Variants in KLRG1 observed in about 807,000 individuals in gnomAD.
KLRG1 encodes killer cell lectin like receptor G1.
In KLRG1, 16 loss-of-function variants were observed where a neutral mutation model predicts 21.8. The observed-to-expected ratio is 0.73, with a 90% CI of 0.50 to 1.11. The LOEUF is 1.11. Ranked by LOEUF, KLRG1 falls within the 50% of genes most tolerant of loss-of-function variation. The pLI is 0.00. For missense variants in KLRG1, 173 were observed against 218.3 expected (o/e 0.79, Z 1.31); for synonymous variants, 69 against 75.9 (o/e 0.91, Z 0.47).
At chr12:9,050,559 G>A in the KLRG1 span, among the ~76,000 whole-genome samples, 4 of 152,292 alleles carry the variant, frequency 2.6e-5, no homozygotes, top group Admixed American at 6.5e-5. Flanking sequence ...CAGGAGCCCC[G>A]TCCTCCTGGG....
chr12:9,053,503 C>T, the KLRG1 span, among the ~76,000 whole-genome samples: 1 of 152,118 alleles, frequency 6.6e-6, no homozygotes, highest in African/African-American at 2.4e-5. Flanking sequence ...GTAGGAGGTG[C>T]TACTTCCTAC....
At chr12:9,089,772 G>T in the KLRG1 span, 1 of 717,472 alleles carries the variant, frequency 1.4e-6, no homozygotes, top group Non-Finnish European at 2.0e-6. Flanking sequence ...CAACAAAACA[G>T]AAAGTAAATC....
At chr12:8,967,827 A>C (rs939013059) in intron 1 of KLRG1, among the ~76,000 whole-genome samples, 7 of 152,288 alleles carry the variant, frequency 4.6e-5, no homozygotes, top group African/African-American at 1.7e-4. Context: ...TGGGTATACT[A>C]TTGTAAAGTT....
At chr12:9,075,472 G>A in the KLRG1 span, among the ~76,000 whole-genome samples, 1 of 152,124 alleles carries the variant, frequency 6.6e-6, no homozygotes, top group Non-Finnish European at 1.5e-5. Flanking sequence ...GGAGAAACTC[G>A]ATGTGTAAAT....
the KLRG1 span, chr12:9,169,523 T>C: frequency 6.2e-7 from 1 of 1,613,076 alleles, no homozygotes; most frequent in Admixed American, 1.7e-5. Flanking sequence ...AGTGTCCTTG[T>C]TCTTCCTCCT....
At chr12:8,972,197 G>A (rs973982209) in intron 1 of KLRG1, among the ~76,000 whole-genome samples, 7 of 151,666 alleles carry the variant, frequency 4.6e-5, no homozygotes, top group African/African-American at 7.3e-5. Flanking sequence ...TCGCTCTGTC[G>A]CCCAGGCTAG....
chr12:9,194,012 C>T, the KLRG1 span: 1 of 1,436,830 alleles, frequency 7.0e-7, no homozygotes, highest in African/African-American at 1.4e-5. Context: ...CTGTACATTT[C>T]TTCTGAATAT....
At chr12:9,095,980 C>T in the KLRG1 span, among the ~76,000 whole-genome samples, 29 of 151,024 alleles carry the variant, frequency 1.9e-4, no homozygotes, top group African/African-American at 6.6e-4. Context: ...AGGATGGTCT[C>T]GATCTCCTGA....
At chr12:9,204,291 C>T in the KLRG1 span, among the ~76,000 whole-genome samples, 4 of 152,006 alleles carry the variant, frequency 2.6e-5, no homozygotes, top group Admixed American at 2.0e-4. Context: ...GAATATATAT[C>T]CATAAAAGTG....
the KLRG1 span, among the ~76,000 whole-genome samples, chr12:9,201,743 G>A: frequency 6.6e-6 from 1 of 152,048 alleles, no homozygotes; most frequent in African/African-American, 2.4e-5. Context: ...AGAATTCCCA[G>A]AATCATTTGG....
chr12:9,164,722 C>A, the KLRG1 span, among the ~76,000 whole-genome samples: 2 of 152,116 alleles, frequency 1.3e-5, no homozygotes, highest in Admixed American at 1.3e-4. Context: ...TATATACAAC[C>A]ACTATTACAT....
chr12:8,951,398 G>A (rs1186809783), intron 1 of KLRG1, among the ~76,000 whole-genome samples: 1 of 152,322 alleles, frequency 6.6e-6, no homozygotes, highest in African/African-American at 2.4e-5. Flanking sequence ...GAGCCTGGGA[G>A]TTGGAGGCTG....
At chr12:9,115,804 AGAG>A in the KLRG1 span, 1 of 1,613,586 alleles carries the variant, frequency 6.2e-7, no homozygotes, top group African/African-American at 1.3e-5. Flanking sequence ...AGGAGGACCA[AGAG>A]GAGAAGAACC....
At chr12:9,205,826 G>A in the KLRG1 span, among the ~76,000 whole-genome samples, 1 of 152,168 alleles carries the variant, frequency 6.6e-6, no homozygotes, top group South Asian at 2.1e-4. Flanking sequence ...ATAGGTGTGA[G>A]ACTAGGAGGA....
intron 3 of KLRG1, chr12:8,996,361 A>G (rs1232640806): frequency 6.6e-6 from 1 of 152,162 alleles, no homozygotes; most frequent in African/African-American, 2.4e-5. Flanking sequence ...TATAAGGAAA[A>G]CAAGAAATCT....
At chr12:9,053,123 T>C in the KLRG1 span, among the ~76,000 whole-genome samples, 45 of 152,188 alleles carry the variant, frequency 3.0e-4, no homozygotes, top group Non-Finnish European at 2.1e-4. Flanking sequence ...TCCTTGCAAA[T>C]CCCAGAGATA....
chr12:8,975,475 A>T (rs1946642535), intron 1 of KLRG1, among the ~76,000 whole-genome samples: 1 of 151,650 alleles, frequency 6.6e-6, no homozygotes, highest in African/African-American at 2.4e-5. Flanking sequence ...GCTCCTTATG[A>T]CCCTTTCTAT....
chr12:9,203,719 CAATAAA>C, the KLRG1 span: 1 of 1,593,752 alleles, frequency 6.3e-7, no homozygotes, highest in Non-Finnish European at 8.6e-7. Flanking sequence ...CTATAGAGCT[CAATAAA>C]ATGTATCAAG....
the KLRG1 span, among the ~76,000 whole-genome samples, chr12:9,183,426 G>A: frequency 6.6e-6 from 1 of 151,972 alleles, no homozygotes; most frequent in Non-Finnish European, 1.5e-5. Flanking sequence ...TTGAGACAGG[G>A]TCTTGCTCTG....
Sources: allele counts gnomAD v4.1 joint callset (sites outside exome capture counted in the v4.1 genomes callset), GRCh38; gene constraint gnomAD v4.1.1; transcripts MANE v1.5; gene names NCBI Gene and HGNC (gene_info 2026-07-23, HGNC 2026-07-21).